Variants in BTG3 observed in about 807,000 individuals in gnomAD.
The protein encoded by BTG3 is BTG anti-proliferation factor 3.
A neutral mutation model predicts 25.8 loss-of-function variants in BTG3; 4 were observed. The ratio of observed to expected loss-of-function variants is 0.16; its 90% CI spans 0.08 to 0.36. The LOEUF is 0.36. BTG3 is among the 10% of genes least tolerant of loss of function. The probability of loss-of-function intolerance (pLI) is 1.00; values close to 1 mark genes in which losing one functional copy is unlikely to be tolerated. For synonymous variants in BTG3, 107 were observed against 99.9 expected (o/e 1.07, Z -0.42); for missense variants, 201 against 304.9 (o/e 0.66, Z 2.54).
chr21:17,600,031 A>C (rs965481226), intron 3 of BTG3, among the ~76,000 whole-genome samples: 13 of 152,314 alleles, frequency 8.5e-5, no homozygotes, highest in South Asian at 6.2e-4. Context: ...CTCTCATCTT[A>C]ATTTTTTTTA....
At chr21:17,605,112 G>T in intron 2 of BTG3, 115 bp from the exon 3 acceptor site, 2 of 1,179,504 alleles carry the variant, frequency 1.7e-6, no homozygotes, top group Non-Finnish European at 2.3e-6. Context: ...AAATACCCTG[G>T]TAGAGAACCT....
At chr21:17,598,065 C>T (rs994031573) in intron 4 of BTG3, among the ~76,000 whole-genome samples, 3 of 151,928 alleles carry the variant, frequency 2.0e-5, no homozygotes, top group Non-Finnish European at 4.4e-5. Flanking sequence ...TTTTTAAAGT[C>T]GATTAAATGT....
At chr21:17,612,399 C>T (rs1207385855) in intron 1 of BTG3, 1 of 152,282 alleles carries the variant, frequency 6.6e-6, no homozygotes, top group Non-Finnish European at 1.5e-5. Flanking sequence ...TGTCGCCCAC[C>T]CGGAGGCGGA....
chr21:17,604,781 G>C, intron 3 of BTG3, 79 bp downstream of exon 3: 4 of 1,476,796 alleles, frequency 2.7e-6, no homozygotes, highest in Non-Finnish European at 3.6e-6. Context: ...AAGATACACA[G>C]GCAGGCCGTA....
chr21:17,607,324 G>C (rs1320692033), intron 2 of BTG3, among the ~76,000 whole-genome samples: 1 of 151,912 alleles, frequency 6.6e-6, no homozygotes, highest in African/African-American at 2.4e-5. Context: ...AGTTAAATCA[G>C]AGTAAAAAGC....
chr21:17,594,055 T>C lies in BTG3; in HGVS notation c.*38A>G. The C allele has an allele frequency of 6.3e-7, 1 of 1,597,176 alleles. No homozygotes were observed. Among genetic ancestry groups the C allele is most frequent in the Non-Finnish European group, 8.5e-7 (1 of 1,171,146 alleles). ...AATGTGTAGTAAGGTTTATTCTACC[T>C]TTTTCTCAACATGACACCAACACAA... On this transcript the variant is annotated 3_prime_UTR_variant, in exon 5 of 5. Coordinates refer to ENST00000348354, the MANE Select transcript of BTG3 (RefSeq NM_006806.5).
chr21:17,600,798 T>C (rs1278472771), intron 3 of BTG3, among the ~76,000 whole-genome samples: 1 of 152,228 alleles, frequency 6.6e-6, no homozygotes, highest in South Asian at 2.1e-4. Context: ...ATAGGCCAAA[T>C]GAAACTATAA....
intron 3 of BTG3, among the ~76,000 whole-genome samples, chr21:17,599,515 T>C (rs1345388728): frequency 2.0e-5 from 3 of 151,358 alleles, no homozygotes; most frequent in Non-Finnish European, 4.4e-5. Context: ...CTCACTCTGT[T>C]GCCCAGGCTG....
chr21:17,608,245 T>G (rs531104371), intron 2 of BTG3, among the ~76,000 whole-genome samples: 1 of 152,280 alleles, frequency 6.6e-6, no homozygotes, highest in South Asian at 2.1e-4. Context: ...TGTTGGCACA[T>G]GTCTATAATC....
chr21:17,606,590 C>T (rs902828097), intron 2 of BTG3, among the ~76,000 whole-genome samples: 1 of 152,034 alleles, frequency 6.6e-6, no homozygotes, highest in Non-Finnish European at 1.5e-5. Context: ...TAAGGTGATA[C>T]AGGCTCTAAG....
rs2061686612 is a variant in BTG3 at position 17,609,287 on chromosome 21, C to G, written c.-8-135G>C. 1.5e-5 allele frequency: 13 copies of G among 845,844 alleles called. 1 individual carries two copies. The Admixed American group carries it at 2.1e-4, about 14-fold the overall frequency. The allele number at this position is 845,844 out of a possible 1,614,324, so 52.4% of individuals were successfully genotyped here. A position where few individuals can be genotyped will look rare whatever the true frequency, so the allele number is the denominator to read the frequency against. ...TATCTTGTATTTCTTTGGCTTATAT[C>G]TGAAGTAGAGAACAATCTACTTATC... is the stretch of plus-strand genomic sequence containing the variant. On this transcript the variant is annotated intron_variant, in intron 1 of 4. Coordinates refer to ENST00000348354, the MANE Select transcript of BTG3 (RefSeq NM_006806.5).
At chr21:17,600,715 A>C (rs1483439604) in intron 3 of BTG3, among the ~76,000 whole-genome samples, 1 of 152,172 alleles carries the variant, frequency 6.6e-6, no homozygotes, top group Non-Finnish European at 1.5e-5. Flanking sequence ...ATGTATGTGG[A>C]AATCTAGCAG....
chr21:17,595,660 A>G (rs866202970), intron 4 of BTG3, among the ~76,000 whole-genome samples: 31 of 152,150 alleles, frequency 2.0e-4, no homozygotes, highest in African/African-American at 7.0e-4. Flanking sequence ...GTAATGGGAC[A>G]TTGAGGCTGT....
intron 3 of BTG3, among the ~76,000 whole-genome samples, chr21:17,603,979 C>A (rs1357779245): frequency 6.6e-6 from 1 of 152,170 alleles, no homozygotes; most frequent in Non-Finnish European, 1.5e-5. Context: ...TTTTTGAAAA[C>A]CCTACAACTG....
intron 1 of BTG3, 56 bp downstream of exon 1, chr21:17,612,643 T>G (rs1189717443): frequency 6.7e-6 from 1 of 148,308 alleles, no homozygotes; most frequent in Non-Finnish European, 1.5e-5. Flanking sequence ...GGGACCACCC[T>G]CCCCCGATAC....
At chr21:17,598,848 C>T (rs754913941) in intron 3 of BTG3, 24 bp from the exon 4 acceptor site, 16 of 1,590,950 alleles carry the variant, frequency 1.0e-5, no homozygotes, top group Middle Eastern at 1.8e-4. Context: ...TAAAAACTTA[C>T]AAATCTTGAA....
At chr21:17,594,446 T>C (rs2061477648) in intron 4 of BTG3, 114 bp from the exon 5 acceptor site, 6 of 1,252,410 alleles carry the variant, frequency 4.8e-6, no homozygotes, top group Non-Finnish European at 6.6e-6. Flanking sequence ...CACATCTAAG[T>C]GACACTCCTA....
intron 3 of BTG3, chr21:17,603,994 T>G: frequency 2.0e-6 from 1 of 490,130 alleles, no homozygotes; most frequent in Non-Finnish European, 2.9e-6. Context: ...CAACTGAGAG[T>G]GCCTGGTCCA....
At chr21:17,603,530 T>C (rs904708055) in intron 3 of BTG3, among the ~76,000 whole-genome samples, 1 of 152,160 alleles carries the variant, frequency 6.6e-6, no homozygotes, top group African/African-American at 2.4e-5. Context: ...CCACCTTCAT[T>C]GCTGGAATCA....
Sources: allele counts gnomAD v4.1 joint callset (sites outside exome capture counted in the v4.1 genomes callset), GRCh38; gene constraint gnomAD v4.1.1; transcripts MANE v1.5; gene names NCBI Gene and HGNC (gene_info 2026-07-23, HGNC 2026-07-21).